Variants in DNAH11 observed in about 807,000 individuals in gnomAD.
DNAH11 encodes the protein dynein axonemal heavy chain 11.
In DNAH11, 442 loss-of-function variants were observed where a neutral mutation model predicts 526.0. The observed-to-expected ratio is 0.84, with a 90% CI of 0.78 to 0.91. DNAH11 has a LOEUF of 0.91. Among genes scored for constraint, DNAH11 ranks in the 40% least tolerant of loss-of-function variants. The pLI, the probability that DNAH11 is intolerant of heterozygous loss-of-function variation, is 0.00. For missense variants in DNAH11, 6,989 were observed against 5,448.7 expected (o/e 1.28, Z -8.90); for synonymous variants, 2,461 against 1,935.9 (o/e 1.27, Z -7.12).
At chr7:21,760,896 T>C (rs1562530369) in intron 54 of DNAH11, among the ~76,000 whole-genome samples, 1 of 152,210 alleles carries the variant, frequency 6.6e-6, no homozygotes, top group Non-Finnish European at 1.5e-5. Flanking sequence ...GTGCATATTA[T>C]ACTAGTAATT....
chr7:21,715,059 C>G (rs1377181342), intron 42 of DNAH11, among the ~76,000 whole-genome samples: 2 of 152,202 alleles, frequency 1.3e-5, no homozygotes, highest in Non-Finnish European at 2.9e-5. Flanking sequence ...TATATGCTTA[C>G]AAACATGCAA....
intron 65 of DNAH11, among the ~76,000 whole-genome samples, chr7:21,835,082 A>G (rs930382647): frequency 1.3e-5 from 2 of 152,174 alleles, no homozygotes; most frequent in Non-Finnish European, 2.9e-5. Context: ...GAAAATCTGA[A>G]CAAACTAATA....
chr7:21,679,151 A>G (rs1299190096), intron 30 of DNAH11, among the ~76,000 whole-genome samples: 4 of 152,218 alleles, frequency 2.6e-5, no homozygotes, highest in African/African-American at 9.6e-5. Context: ...CAGAAAGACA[A>G]ATACTGCATA....
In DNAH11 at chr7:21,561,165, A is replaced by T; in HGVS notation, c.977A>T (p.Glu326Val). The T allele has an allele frequency of 6.3e-6, 10 of 1,587,324 alleles. No individual in the cohort carries two copies. The highest frequency in any genetic ancestry group is 8.6e-6 in the Non-Finnish European group (10 of 1,164,962). The change falls in exon 5 of 82, where the codon GAA becomes GTA. Residue 326 changes from glutamate to valine, a missense_variant. By Grantham distance (121) the Glu-to-Val change is moderately radical (BLOSUM62 -2). Transcript: ENST00000409508. The stretch of plus-strand genomic sequence containing the variant: ...CTGAAGGACATTTTTCTGGCTGTGG[A>T]AAATGGTAAGACTCTTGTTCCTCAG... Reference protein sequence around the residue: ...PTLKDIFLAVENALLEAQDVE... With the variant: ...PTLKDIFLAVVNALLEAQDVE...
chr7:21,893,211 G>A (rs1156708692), intron 77 of DNAH11, among the ~76,000 whole-genome samples: 1 of 152,208 alleles, frequency 6.6e-6, no homozygotes, highest in South Asian at 2.1e-4. Context: ...CCAGAAGTGG[G>A]ATTGCCAGAT....
chr7:21,577,302 C>T (rs1270837008), intron 8 of DNAH11, among the ~76,000 whole-genome samples: 2 of 152,212 alleles, frequency 1.3e-5, no homozygotes, highest in Non-Finnish European at 1.5e-5. Flanking sequence ...CTCCCCTTGC[C>T]AGGAAGAGCT....
At chr7:21,587,590 C>T (rs775327089) in intron 9 of DNAH11, among the ~76,000 whole-genome samples, 1 of 152,042 alleles carries the variant, frequency 6.6e-6, no homozygotes, top group South Asian at 2.1e-4. Context: ...GATGTACCAG[C>T]GGCCATAGGC....
rs369458734 is a variant in DNAH11 at position 21,616,308 on chromosome 7, G to T, written c.4095+16G>T. On this transcript the variant is annotated intron_variant, in intron 22 of 81. Transcript: ENST00000409508. ...GTTTGCCAAGGCGAGTTCCATAACTGTCTATTACAACAATTTATCTTTCTC... is the reference window on the plus strand; with the variant it reads ...GTTTGCCAAGGCGAGTTCCATAACTTTCTATTACAACAATTTATCTTTCTC... 10 of 1,596,752 alleles carry T rather than the reference G, an allele frequency of 6.3e-6. No homozygotes were observed. Among genetic ancestry groups the T allele is most frequent in the Non-Finnish European group, 8.6e-6 (10 of 1,167,438 alleles).
intron 37 of DNAH11, chr7:21,703,562 G>A (rs1044756137): frequency 2.6e-5 from 4 of 152,174 alleles, no homozygotes; most frequent in African/African-American, 4.8e-5. Context: ...GAATGAAGGG[G>A]AAAGTGCCAC....
At chr7:21,763,358 A>AAGAAAG (rs536355218) in intron 54 of DNAH11, among the ~76,000 whole-genome samples, 21 of 134,736 alleles carry the variant, frequency 1.6e-4, no homozygotes, top group Non-Finnish European at 2.6e-4. Flanking sequence ...AAAAAAAAAG[A>AAGAAAG]AAAAAAAAAA....
chr7:21,619,972 G>T lies in DNAH11; in HGVS notation c.4394G>T (p.Ser1465Ile), dbSNP rs762881285. ...LGTEKVITEI[S>I]QTWATMKFSY... ...GATTACTAGGTTATTACTGAAATCAGTCAGACCTGGGCAACCATGAAGTTT... is the reference window on the plus strand; with the variant it reads ...GATTACTAGGTTATTACTGAAATCATTCAGACCTGGGCAACCATGAAGTTT... Residue 1465 changes from serine (S) to isoleucine (I), a missense_variant, in exon 25 of 82, where the codon AGT becomes ATT. Transcript: ENST00000409508. The T allele has an allele frequency of 1.9e-6, 3 of 1,602,452 alleles. No homozygotes were observed. Among genetic ancestry groups the T allele is most frequent in the Non-Finnish European group, 1.7e-6 (2 of 1,176,196 alleles).
At chr7:21,601,218 A>C in intron 17 of DNAH11, 39 bp downstream of exon 17, 1 of 1,562,754 alleles carries the variant, frequency 6.4e-7, no homozygotes, top group Non-Finnish European at 8.6e-7. Flanking sequence ...ATAACTTTCT[A>C]AACTGCTTTC....
intron 57 of DNAH11, among the ~76,000 whole-genome samples, chr7:21,780,266 T>A (rs7796655): frequency 0.73 from 110,998 of 152,048 alleles, 40,974 homozygotes; most frequent in East Asian, 0.84. Flanking sequence ...AAGTATATTA[T>A]TGGGCTGAGT....
chr7:21,892,063 G>C (rs1366090269), intron 76 of DNAH11, among the ~76,000 whole-genome samples: 2 of 152,112 alleles, frequency 1.3e-5, no homozygotes, highest in East Asian at 3.9e-4. Context: ...TCAGAGTCTT[G>C]ATTTCCTCTC....
chr7:21,816,707 G>A lies in DNAH11; in HGVS notation c.10568+5G>A. 1.2e-6 allele frequency: 2 copies of A among 1,612,118 alleles called. No individual in the cohort carries two copies. The highest frequency in any genetic ancestry group is 1.7e-6 in the Non-Finnish European group (2 of 1,178,874). On this transcript the variant is annotated splice_donor_5th_base_variant and intron_variant, in intron 64 of 81. Coordinates refer to ENST00000409508, the MANE Select transcript of DNAH11 (RefSeq NM_001277115.2). ...CACACATTTGGGCCAGAAAGGGTAT[G>A]TGAAGTTTGAAGAGACTGGCTTTCT...
chr7:21,676,644 A>G (rs1175714608), intron 30 of DNAH11, among the ~76,000 whole-genome samples: 1 of 152,218 alleles, frequency 6.6e-6, no homozygotes, highest in Non-Finnish European at 1.5e-5. Flanking sequence ...TGAAAAATGA[A>G]TCAATAATGC....
intron 28 of DNAH11, among the ~76,000 whole-genome samples, chr7:21,654,850 A>G (rs56876108): frequency 0.054 from 8,272 of 152,204 alleles, 615 homozygotes; most frequent in Admixed American, 0.22. Flanking sequence ...TTACCTACAC[A>G]ACACATGTCA....
intron 54 of DNAH11, among the ~76,000 whole-genome samples, chr7:21,759,607 A>G (rs1786806488): frequency 6.6e-6 from 1 of 152,196 alleles, no homozygotes; most frequent in Non-Finnish European, 1.5e-5. Context: ...ATAAATGCAA[A>G]TGTAAGTGAT....
chr7:21,600,098 C>T lies in DNAH11; in HGVS notation c.2979C>T (p.His993=). 1 of 1,535,628 alleles carries T rather than the reference C, an allele frequency of 6.5e-7. No homozygotes were observed. The highest frequency in any genetic ancestry group is 1.3e-5 in the South Asian group (1 of 76,374). The change falls in exon 15 of 82, where the codon CAC becomes CAT. Residue 993 remains histidine, a synonymous_variant. Coordinates refer to ENST00000409508, the MANE Select transcript of DNAH11 (RefSeq NM_001277115.2). ...CCCAGATGAACCGAATAGCAACACA[C>T]CTGGAAATTAAAAATTATCAGGTAT... is the stretch of plus-strand genomic sequence containing the variant. ...MSAQMNRIAT[H]LEIKNYQNDM...
Sources: allele counts gnomAD v4.1 joint callset (sites outside exome capture counted in the v4.1 genomes callset), GRCh38; gene constraint gnomAD v4.1.1; transcripts MANE v1.5; gene names NCBI Gene and HGNC (gene_info 2026-07-23, HGNC 2026-07-21).